Variants in CELA2A observed in about 807,000 individuals in gnomAD.
The protein encoded by CELA2A is chymotrypsin like elastase 2A, also known as chymotrypsin-like elastase family member 2A.
In CELA2A, 31 loss-of-function variants were observed where a neutral mutation model predicts 35.3. That is an observed-to-expected ratio of 0.88 (90% CI 0.66 to 1.19). CELA2A has a LOEUF of 1.19. Among genes scored for constraint, CELA2A ranks in the 50% most tolerant of loss-of-function variants. The pLI is 0.00. For missense variants in CELA2A, 330 were observed against 352.9 expected, an observed-to-expected ratio of 0.94 and a Z score of 0.52; for synonymous variants, 150 against 149.8, an observed-to-expected ratio of 1.00 and a Z score of -0.01.
intron 7 of CELA2A, among the ~76,000 whole-genome samples, chr1:15,470,059 G>C (rs761889601): frequency 4.6e-5 from 7 of 152,182 alleles, no homozygotes; most frequent in South Asian, 2.1e-4. Context: ...AGCACGCCTC[G>C]CAAGGCAGCT....
chr1:15,460,708 A>T (rs541406623), intron 2 of CELA2A, among the ~76,000 whole-genome samples: 8 of 150,372 alleles, frequency 5.3e-5, no homozygotes, highest in Admixed American at 2.0e-4. Context: ...TTATTTTAAA[A>T]TTTTTTTGGT....
rs1708456192 is a variant in CELA2A, at chr1:15,462,880, G to A, written c.356+19G>A. 1 of 1,613,932 alleles carries A rather than the reference G, an allele frequency of 6.2e-7. No homozygotes were observed. Among genetic ancestry groups the A allele is most frequent in the Non-Finnish European group, 8.5e-7 (1 of 1,179,968 alleles). On this transcript the variant is annotated intron_variant, in intron 4 of 7. Transcript: ENST00000359621. The stretch of plus-strand genomic sequence containing the variant: ...CCAAAGGGTTCGTTTCTGTCTGGGT[G>A]CACTTGGGGGTGAGGTTGTCAGGGA...
At chr1:15,465,553 G>A (rs1708504590) in intron 5 of CELA2A, among the ~76,000 whole-genome samples, 1 of 152,164 alleles carries the variant, frequency 6.6e-6, no homozygotes, top group African/African-American at 2.4e-5. Flanking sequence ...GCAAAAAAAG[G>A]GAAATTGTTA....
Position 15,459,977 on chromosome 1 carries a change from A to T in CELA2A, c.130-1584A>T, listed in dbSNP as rs550477937. On this transcript the variant is annotated intron_variant, in intron 2 of 7. Transcript: ENST00000359621. ...AAAAAAAAAAAATACAAACAAACAA[A>T]AAACCTCACTAACGAAGATGAATGA... 5.3e-5 allele frequency among the ~76,000 whole-genome samples: 8 copies of T among 152,204 alleles called. No individual in the cohort carries two copies. In the South Asian group the frequency reaches 1.7e-3, roughly 32 times the overall value.
chr1:15,467,564 C>T, intron 7 of CELA2A, 26 bp downstream of exon 7: 2 of 1,612,220 alleles, frequency 1.2e-6, no homozygotes, highest in East Asian at 2.2e-5. Context: ...GCCCTGAGCC[C>T]CAAGGCACTA....
At chr1:15,465,491 A>T (rs1398693260) in intron 5 of CELA2A, among the ~76,000 whole-genome samples, 1 of 152,136 alleles carries the variant, frequency 6.6e-6, no homozygotes, top group African/African-American at 2.4e-5. Flanking sequence ...AACAGCCAGG[A>T]GGCTCACTTT....
intron 5 of CELA2A, among the ~76,000 whole-genome samples, chr1:15,464,688 G>A (rs1708491481): frequency 6.6e-6 from 1 of 152,118 alleles, no homozygotes; most frequent in South Asian, 2.1e-4. Context: ...GGTGGAAGAG[G>A]CATTTCATGC....
intron 7 of CELA2A, among the ~76,000 whole-genome samples, chr1:15,470,139 G>C (rs1708571743): frequency 6.6e-6 from 1 of 152,172 alleles, no homozygotes; most frequent in African/African-American, 2.4e-5. Flanking sequence ...GGTTTCAGAA[G>C]GGGGAGAGCC....
Position 15,463,542 on chromosome 1 carries a change from C to T in CELA2A, c.493+20C>T. The T allele has an allele frequency of 1.2e-6, 2 of 1,612,824 alleles. No homozygotes were observed. The highest frequency in any genetic ancestry group is 1.7e-6 in the Non-Finnish European group (2 of 1,179,168). ...TGCAGAGTAAGTGGGAGCCAGGAGC[C>T]CCCAGGCCTGGGAGGGAAGGGAGGT... On this transcript the variant is annotated intron_variant, in intron 5 of 7. Coordinates refer to ENST00000359621, the MANE Select transcript of CELA2A (RefSeq NM_033440.3).
chr1:15,468,782 G>A (rs1708554850), intron 7 of CELA2A, among the ~76,000 whole-genome samples: 1 of 152,118 alleles, frequency 6.6e-6, no homozygotes, highest in African/African-American at 2.4e-5. Context: ...GACATAGCAA[G>A]ACCCTGTCTC....
At chr1:15,467,260 A>AC in intron 6 of CELA2A, 126 bp from the exon 7 acceptor site, 1 of 962,928 alleles carries the variant, frequency 1.0e-6, no homozygotes, top group Non-Finnish European at 1.6e-6. Context: ...TTGGGCTATG[A>AC]CCACAAGGGT....
intron 2 of CELA2A, 107 bp from the exon 3 acceptor site, chr1:15,461,454 G>A (rs1230409656): frequency 2.5e-6 from 3 of 1,186,136 alleles, no homozygotes; most frequent in African/African-American, 3.0e-5. Flanking sequence ...TGAGGCGACT[G>A]CCTCACTCCC....
chr1:15,469,286 A>G (rs1301030678), intron 7 of CELA2A, among the ~76,000 whole-genome samples: 3 of 152,174 alleles, frequency 2.0e-5, no homozygotes, highest in East Asian at 3.9e-4. Flanking sequence ...CTCTGTGCCA[A>G]TGAGGGACCA....
chr1:15,469,237 C>T (rs1254436028), intron 7 of CELA2A, among the ~76,000 whole-genome samples: 1 of 152,120 alleles, frequency 6.6e-6, no homozygotes, highest in Non-Finnish European at 1.5e-5. Flanking sequence ...GAGGAGCCAC[C>T]ATGCCTCGTA....
At chr1:15,467,619 G>A (rs978123656) in intron 7 of CELA2A, 81 bp downstream of exon 7, 16 of 1,517,134 alleles carry the variant, frequency 1.1e-5, no homozygotes, top group East Asian at 4.5e-5. Context: ...CCTGGTGACT[G>A]AGAATCCCCT....
At chr1:15,466,924 T>A (rs533834099) in intron 6 of CELA2A, among the ~76,000 whole-genome samples, 4 of 151,754 alleles carry the variant, frequency 2.6e-5, no homozygotes, top group Non-Finnish European at 4.4e-5. Flanking sequence ...TAGGAAAGAG[T>A]TCCACACGCC....
At chr1:15,458,906 CATAAAAAAAAAAAAAAAAAAAAAA>C (rs1708395169) in intron 2 of CELA2A, among the ~76,000 whole-genome samples, 2 of 66,420 alleles carry the variant, frequency 3.0e-5, no homozygotes, top group Admixed American at 2.3e-4. Context: ...GAGTGAGATC[CATAAAAAAAAAAAAAAAAAAAAAA>C]AAAAAAAAAA....
chr1:15,471,316 G>A lies in CELA2A; in HGVS notation c.793-674G>A, dbSNP rs529590633. 2.6e-5 allele frequency among the ~76,000 whole-genome samples: 4 copies of A among 152,280 alleles called. No homozygotes were observed. The East Asian group carries it at 5.8e-4, about 22-fold the overall frequency. On this transcript the variant is annotated intron_variant, in intron 7 of 7. Transcript: ENST00000359621. ...AATCTGAGCACTTTGGGAAGCTGAG[G>A]CGAGTAGATCACTTGAGGTCAGCAG...
chr1:15,465,726 CA>C (rs1708507474), intron 5 of CELA2A, among the ~76,000 whole-genome samples: 1 of 152,146 alleles, frequency 6.6e-6, no homozygotes, highest in Admixed American at 6.5e-5. Context: ...AAATGTCAGT[CA>C]TTGCCAACAG....
Sources: allele counts gnomAD v4.1 joint callset (sites outside exome capture counted in the v4.1 genomes callset), GRCh38; gene constraint gnomAD v4.1.1; transcripts MANE v1.5; gene names NCBI Gene and HGNC (gene_info 2026-07-23, HGNC 2026-07-21).